The following PTPRM variants were observed in gnomAD, a reference collection of about 807,000 sequenced individuals.
PTPRM encodes the protein receptor-type tyrosine-protein phosphatase mu.
In PTPRM, 47 loss-of-function variants were observed where a neutral mutation model predicts 186.7. The ratio of observed to expected loss-of-function variants is 0.25; its 90% CI spans 0.20 to 0.32. PTPRM has a LOEUF of 0.32. PTPRM is among the 10% of genes least tolerant of loss of function. The pLI is 1.00. For synonymous variants in PTPRM, 668 were observed against 674.9 expected, an observed-to-expected ratio of 0.99 and a Z score of 0.16; for missense variants, 1,494 against 1,865.0, an observed-to-expected ratio of 0.80 and a Z score of 3.66.
At chr18:7,986,147 G>T (rs889069631) in intron 7 of PTPRM, among the ~76,000 whole-genome samples, 50 of 152,228 alleles carry the variant, frequency 3.3e-4, no homozygotes, top group Non-Finnish European at 6.5e-4. Flanking sequence ...TTCTGGAGAG[G>T]TTATCAGAAT....
chr18:7,926,590 G>A lies in PTPRM; in HGVS notation c.570G>A (p.Arg190=). Residue 190 remains arginine, a synonymous_variant, in exon 5 of 33, where the codon CGG becomes CGA. Transcript: ENST00000580170. The stretch of plus-strand genomic sequence containing the variant: ...TAGCCAGGACTCCTCACTTCCTGCG[G>A]ATTCAGAATGTGGAAGTTAATGCTG... ...HPCTRTPHFL[R]IQNVEVNAGQ... 1 of 1,613,220 alleles carries A rather than the reference G, an allele frequency of 6.2e-7. No homozygotes were observed. The highest frequency in any genetic ancestry group is 8.5e-7 in the Non-Finnish European group (1 of 1,179,850).
Position 8,378,374 on chromosome 18 carries a change from A to T in PTPRM, c.3572A>T (p.Asp1191Val), listed in dbSNP as rs377399315. The T allele has an allele frequency of 2.5e-6, 4 of 1,614,074 alleles. No homozygotes were observed. The highest frequency in any genetic ancestry group is 1.3e-5 in the African/African-American group (1 of 75,028). ...CTGTATTATGACATGAACAAACTGG[A>T]TCCACAGACAAACTCAAGCCAGATT... ...RSLYYDMNKLDPQTNSSQIKE... is the reference protein window; with the variant it reads ...RSLYYDMNKLVPQTNSSQIKE... Residue 1191 changes from aspartate (D) to valine (V), a missense_variant, in exon 27 of 33, where the codon GAT becomes GTT. Physicochemically the swap from Asp to Val is radical, Grantham distance 152. Coordinates refer to ENST00000580170, the MANE Select transcript of PTPRM (RefSeq NM_001105244.2).
intron 14 of PTPRM, among the ~76,000 whole-genome samples, chr18:8,227,835 C>G (rs1185662939): frequency 1.3e-5 from 2 of 152,254 alleles, no homozygotes; most frequent in South Asian, 2.1e-4. Flanking sequence ...GCAGCATAAG[C>G]CAGCTGTGAG....
chr18:7,682,988 G>T (rs1339900582), intron 1 of PTPRM, among the ~76,000 whole-genome samples: 1 of 152,066 alleles, frequency 6.6e-6, no homozygotes, highest in African/African-American at 2.4e-5. Context: ...AGAGAAGCTT[G>T]TTCCTTGTTT....
At chr18:8,384,819 A>G in intron 30 of PTPRM, 133 bp downstream of exon 30, 1 of 1,133,296 alleles carries the variant, frequency 8.8e-7, no homozygotes, top group Non-Finnish European at 1.3e-6. Context: ...AAAAAAACAT[A>G]GATTCCTGAC....
rs559238959 is a variant in PTPRM, at chr18:8,265,784, C to T, written c.2754+12370C>T. On this transcript the variant is annotated intron_variant, in intron 19 of 32. Transcript: ENST00000580170. ...TAACACTGGAACATTGAGGAAATCACGGAACTTCCATGAAGGAACTTCCAT... is the reference window on the plus strand; with the variant it reads ...TAACACTGGAACATTGAGGAAATCATGGAACTTCCATGAAGGAACTTCCAT... Among the ~76,000 whole-genome samples the T allele has an allele frequency of 4.6e-5, 7 of 152,300 alleles. No individual in the cohort carries two copies. The South Asian group carries it at 8.3e-4, about 18-fold the overall frequency.
At chr18:7,844,940 C>G (rs2046520093) in intron 2 of PTPRM, among the ~76,000 whole-genome samples, 1 of 152,096 alleles carries the variant, frequency 6.6e-6, no homozygotes, top group African/African-American at 2.4e-5. Flanking sequence ...TCATCAATCT[C>G]TTTGATGAAT....
chr18:7,896,465 G>A (rs117267819), intron 3 of PTPRM, among the ~76,000 whole-genome samples: 167 of 152,232 alleles, frequency 1.1e-3, no homozygotes, highest in Non-Finnish European at 2.1e-3. Context: ...CCCAGTCAGA[G>A]GCCAGGGAGG....
chr18:7,860,492 C>G (rs1424941468), intron 2 of PTPRM, among the ~76,000 whole-genome samples: 1 of 152,104 alleles, frequency 6.6e-6, no homozygotes, highest in African/African-American at 2.4e-5. Context: ...CTTGTTCAAT[C>G]TCAGATCCCA....
intron 7 of PTPRM, among the ~76,000 whole-genome samples, chr18:8,057,425 C>CTTTTTTTTTTTTTTTTTTTT (rs763829289): frequency 2.0e-5 from 2 of 102,560 alleles, no homozygotes; most frequent in African/African-American, 4.3e-5. Context: ...TGTGATACTT[C>CTTTTTTTTTTTTTTTTTTTT]TTTTTTTTTT....
At chr18:8,357,753 A>G (rs2095571281) in intron 23 of PTPRM, among the ~76,000 whole-genome samples, 1 of 152,210 alleles carries the variant, frequency 6.6e-6, no homozygotes, top group Admixed American at 6.5e-5. Context: ...AATCCATTTA[A>G]TTAAAGGTAA....
intron 14 of PTPRM, among the ~76,000 whole-genome samples, chr18:8,175,152 G>T (rs1177678234): frequency 6.6e-6 from 1 of 152,160 alleles, no homozygotes; most frequent in African/African-American, 2.4e-5. Flanking sequence ...TCTAGATTGA[G>T]CTTCGTAATT....
chr18:8,319,324 C>T, intron 22 of PTPRM, 110 bp downstream of exon 22: 1 of 735,308 alleles, frequency 1.4e-6, no homozygotes, highest in Non-Finnish European at 2.2e-6. Flanking sequence ...TATTGCGGTT[C>T]TAGCCATCGG....
chr18:7,934,465 G>C (rs886491479), intron 5 of PTPRM, among the ~76,000 whole-genome samples: 2 of 152,202 alleles, frequency 1.3e-5, no homozygotes, highest in Non-Finnish European at 2.9e-5. Flanking sequence ...TGAGAGAAAA[G>C]AGGGAAACCT....
chr18:8,087,995 A>C (rs1045020105), intron 10 of PTPRM, among the ~76,000 whole-genome samples: 2 of 152,182 alleles, frequency 1.3e-5, no homozygotes, highest in Admixed American at 6.5e-5. Flanking sequence ...AACTGGCCTT[A>C]GAAATAGGAT....
chr18:7,868,023 C>T (rs999641246), intron 2 of PTPRM, among the ~76,000 whole-genome samples: 8 of 152,092 alleles, frequency 5.3e-5, no homozygotes, highest in East Asian at 3.9e-4. Context: ...ACGAAGTTCT[C>T]GTGCTGTGTT....
intron 13 of PTPRM, 33 bp from the exon 14 acceptor site, chr18:8,143,614 A>T (rs2146120216): frequency 6.4e-7 from 1 of 1,564,206 alleles, no homozygotes; most frequent in Non-Finnish European, 8.8e-7. Flanking sequence ...TCTTACCTAC[A>T]GTCTCTCCTT....
intron 7 of PTPRM, among the ~76,000 whole-genome samples, chr18:8,015,917 GCTC>G (rs1237920054): frequency 6.6e-6 from 1 of 152,124 alleles, no homozygotes; most frequent in Non-Finnish European, 1.5e-5. Flanking sequence ...AGTTGGAAAA[GCTC>G]CTGAAATGTA....
intron 14 of PTPRM, among the ~76,000 whole-genome samples, chr18:8,239,264 C>T (rs1012561619): frequency 4.7e-4 from 70 of 149,552 alleles, no homozygotes; most frequent in African/African-American, 1.4e-3. Flanking sequence ...TTTGTTCTTG[C>T]GATAGTTTAC....
Sources: allele counts gnomAD v4.1 joint callset (sites outside exome capture counted in the v4.1 genomes callset), GRCh38; gene constraint gnomAD v4.1.1; transcripts MANE v1.5; gene names NCBI Gene and HGNC (gene_info 2026-07-23, HGNC 2026-07-21).